XYLB: variants seen among roughly 807,000 people sequenced by gnomAD.
The protein encoded by XYLB is xylulokinase.
XYLB carries 62 observed loss-of-function variants against 78.7 expected under a neutral mutation model. The observed-to-expected ratio is 0.79, with a 90% CI of 0.64 to 0.97. XYLB has a LOEUF of 0.97. XYLB is among the 50% of genes least tolerant of loss of function. The pLI is 0.00. For synonymous variants in XYLB, 245 were observed against 247.4 expected, an observed-to-expected ratio of 0.99 and a Z score of 0.09; for missense variants, 687 against 676.8, an observed-to-expected ratio of 1.02 and a Z score of -0.17.
At chr3:38,434,035 A>G in the XYLB span, among the ~76,000 whole-genome samples, 1 of 152,236 alleles carries the variant, frequency 6.6e-6, no homozygotes, top group Non-Finnish European at 1.5e-5. Flanking sequence ...ACACCTCTTT[A>G]CAGGGCAGCA....
downstream of XYLB, among the ~76,000 whole-genome samples, chr3:38,425,123 T>C (rs770632858): frequency 6.6e-6 from 1 of 152,256 alleles, no homozygotes; most frequent in African/African-American, 2.4e-5. Context: ...ATGTCACACA[T>C]GTTCCCTCGT....
chr3:38,363,420 T>A (rs1201801384), intron 4 of XYLB, among the ~76,000 whole-genome samples: 5 of 134,752 alleles, frequency 3.7e-5, no homozygotes, highest in Non-Finnish European at 8.0e-5. Context: ...AGGAAGAGTA[T>A]TAATAATGAT....
At chr3:38,373,149 C>G (rs977065249) in intron 10 of XYLB, among the ~76,000 whole-genome samples, 2 of 152,192 alleles carry the variant, frequency 1.3e-5, no homozygotes, top group Admixed American at 6.5e-5. Context: ...GTCATCTGAT[C>G]TGCAGCAATG....
chr3:38,430,256 C>T, the XYLB span, among the ~76,000 whole-genome samples: 11 of 152,120 alleles, frequency 7.2e-5, no homozygotes, highest in African/African-American at 1.7e-4. Context: ...TTCTAACTGG[C>T]GTGAGACAGT....
At chr3:38,398,266 G>A (rs1039276702) in intron 17 of XYLB, among the ~76,000 whole-genome samples, 5 of 151,370 alleles carry the variant, frequency 3.3e-5, no homozygotes, top group African/African-American at 4.8e-5. Context: ...TCAGGAGTTC[G>A]AGACCAGCCT....
chr3:38,365,628 C>T lies in XYLB; in HGVS notation c.399C>T (p.Asp133=), dbSNP rs1706212755. The change falls in exon 6 of 19, where the codon GAC becomes GAT. Residue 133 remains aspartate, a synonymous_variant. Coordinates refer to ENST00000207870, the MANE Select transcript of XYLB (RefSeq NM_005108.4). ...CCCAGGACTGTTTCTCCATCAGCGA[C>T]TGCCCGGTGTGGATGGACTCCAGCA... ...QQLQDCFSIS[D]CPVWMDSSTT... 6.2e-7 allele frequency: 1 copy of T among 1,613,086 alleles called. No individual in the cohort carries two copies. Among genetic ancestry groups the T allele is most frequent in the Non-Finnish European group, 8.5e-7 (1 of 1,179,274 alleles).
chr3:38,401,151 C>T, intron 18 of XYLB, 166 bp downstream of exon 18: 1 of 629,942 alleles, frequency 1.6e-6, no homozygotes, highest in South Asian at 2.0e-5. Context: ...GCCATGTTGT[C>T]AGCTGCAAGT....
At chr3:38,438,309 G>T in the XYLB span, among the ~76,000 whole-genome samples, 1 of 152,038 alleles carries the variant, frequency 6.6e-6, no homozygotes, top group African/African-American at 2.4e-5. Context: ...AACCAAGGAA[G>T]TGAAAGACCT....
the XYLB span, chr3:38,452,411 GAAC>G: frequency 1.3e-5 from 2 of 151,994 alleles, no homozygotes; most frequent in South Asian, 4.2e-4. Flanking sequence ...ATGTCAATCA[GAAC>G]AATATACATT....
chr3:38,370,695 T>C (rs1322281030), intron 9 of XYLB, among the ~76,000 whole-genome samples: 1 of 152,218 alleles, frequency 6.6e-6, no homozygotes, highest in East Asian at 1.9e-4. Context: ...AGGGCTGTTG[T>C]GCAAATTAGA....
intron 18 of XYLB, among the ~76,000 whole-genome samples, chr3:38,404,144 C>T (rs900959337): frequency 2.0e-5 from 3 of 152,188 alleles, no homozygotes; most frequent in African/African-American, 7.2e-5. Flanking sequence ...ATCAAAGCCC[C>T]TTAGCTTTGT....
At chr3:38,444,011 C>T in the XYLB span, among the ~76,000 whole-genome samples, 16 of 152,310 alleles carry the variant, frequency 1.1e-4, no homozygotes, top group African/African-American at 3.6e-4. Context: ...CTTTCTTCAG[C>T]TGTCATTCTA....
intron 17 of XYLB, among the ~76,000 whole-genome samples, chr3:38,399,552 G>A (rs1306703013): frequency 4.6e-5 from 7 of 152,142 alleles, no homozygotes; most frequent in Non-Finnish European, 1.0e-4. Flanking sequence ...AAGACTCTAT[G>A]TTCAAAATAC....
At chr3:38,396,845 G>A (rs1452925005) in intron 16 of XYLB, among the ~76,000 whole-genome samples, 4 of 152,078 alleles carry the variant, frequency 2.6e-5, no homozygotes, top group African/African-American at 7.2e-5. Context: ...AAAAGTACAG[G>A]GACAGCCTGG....
chr3:38,369,986 C>G lies in XYLB; in HGVS notation c.647-70C>G, dbSNP rs553490942. ...TGGCAAGAGAATTATCTGCTCTGTG[C>G]CAGATTTGTGCATTTTCACAAAAGG... is the stretch of plus-strand genomic sequence containing the variant. On this transcript the variant is annotated intron_variant, in intron 8 of 18. Coordinates refer to ENST00000207870, the MANE Select transcript of XYLB (RefSeq NM_005108.4). The G allele has an allele frequency of 1.3e-4, 172 of 1,331,778 alleles. No homozygotes were observed. The African/African-American group carries it at 2.3e-3, about 18-fold the overall frequency. The allele number at this position is 1,331,778 out of a possible 1,614,324, so 82.5% of individuals were successfully genotyped here. A position where few individuals can be genotyped will look rare whatever the true frequency, so the allele number is the denominator to read the frequency against.
chr3:38,390,861 A>G (rs1406383773), intron 15 of XYLB, among the ~76,000 whole-genome samples: 1 of 152,192 alleles, frequency 6.6e-6, no homozygotes, highest in East Asian at 1.9e-4. Context: ...AGTAGAGTAT[A>G]TGTATCTTAC....
intron 18 of XYLB, among the ~76,000 whole-genome samples, chr3:38,405,378 A>C (rs866671870): frequency 1.6e-4 from 23 of 141,886 alleles, no homozygotes; most frequent in Non-Finnish European, 2.3e-4. Flanking sequence ...CTTTAAAAAA[A>C]AAAAAAAAAA....
chr3:38,395,419 C>G, intron 15 of XYLB, 86 bp from the exon 16 acceptor site: 1 of 1,260,666 alleles, frequency 7.9e-7, no homozygotes, highest in Non-Finnish European at 1.1e-6. Context: ...CATGAGCCCT[C>G]TGTAGCTGAA....
At chr3:38,450,540 G>A in the XYLB span, among the ~76,000 whole-genome samples, 2 of 152,180 alleles carry the variant, frequency 1.3e-5, no homozygotes, top group Admixed American at 6.5e-5. Context: ...AAATTCTACA[G>A]CAGACATTTG....
Sources: allele counts gnomAD v4.1 joint callset (sites outside exome capture counted in the v4.1 genomes callset), GRCh38; gene constraint gnomAD v4.1.1; transcripts MANE v1.5; gene names NCBI Gene and HGNC (gene_info 2026-07-23, HGNC 2026-07-21).